The following LIMCH1 variants were observed in gnomAD, a reference collection of about 807,000 sequenced individuals.
The protein encoded by LIMCH1 is LIM and calponin homology domains-containing protein 1.
A neutral mutation model predicts 176.5 loss-of-function variants in LIMCH1; 113 were observed. That is an observed-to-expected ratio of 0.64 (90% confidence interval 0.55 to 0.75). The LOEUF (loss-of-function observed/expected upper bound fraction) is 0.75, where lower values mean the gene tolerates loss of function less well. Among genes scored for constraint, LIMCH1 ranks in the 30% least tolerant of loss-of-function variants. The pLI is 0.00. For synonymous variants in LIMCH1, 619 were observed against 645.9 expected, an observed-to-expected ratio of 0.96 and a Z score of 0.63; for missense variants, 1,674 against 1,814.9, an observed-to-expected ratio of 0.92 and a Z score of 1.41.
intron 27 of LIMCH1, 30 bp downstream of exon 27, chr4:41,684,548 A>G (rs755450011): frequency 2.5e-6 from 4 of 1,609,704 alleles, no homozygotes; most frequent in Non-Finnish European, 3.4e-6. Flanking sequence ...GTTTCATTCA[A>G]TGTTTAAATT....
chr4:41,639,117 G>T, intron 14 of LIMCH1, 150 bp downstream of exon 14: 1 of 621,620 alleles, frequency 1.6e-6, no homozygotes, highest in Admixed American at 3.3e-5. Flanking sequence ...GGAATGCAGA[G>T]CATACATTCT....
intron 2 of LIMCH1, among the ~76,000 whole-genome samples, chr4:41,502,433 G>T (rs1049345869): frequency 6.6e-6 from 1 of 152,022 alleles, no homozygotes; most frequent in African/African-American, 2.4e-5. Flanking sequence ...CCCAGTAATG[G>T]GATCGCTGGG....
intron 20 of LIMCH1, among the ~76,000 whole-genome samples, chr4:41,665,786 C>G (rs376179176): frequency 3.3e-5 from 5 of 152,300 alleles, no homozygotes; most frequent in African/African-American, 1.2e-4. Flanking sequence ...TTTCAGCAAT[C>G]AGCTAATCAG....
intron 1 of LIMCH1, among the ~76,000 whole-genome samples, chr4:41,414,611 T>G (rs1561292310): frequency 1.3e-5 from 2 of 152,184 alleles, no homozygotes; most frequent in Non-Finnish European, 2.9e-5. Flanking sequence ...GAGCCTGATG[T>G]AAAATTATGC....
chr4:41,517,612 C>T (rs1296674804), intron 2 of LIMCH1, among the ~76,000 whole-genome samples: 2 of 152,164 alleles, frequency 1.3e-5, no homozygotes, highest in Non-Finnish European at 2.9e-5. Context: ...CGTTCCAACA[C>T]TCTTGTTCAT....
At chr4:41,485,221 G>A (rs1426395470) in intron 1 of LIMCH1, among the ~76,000 whole-genome samples, 4 of 152,088 alleles carry the variant, frequency 2.6e-5, no homozygotes, top group Non-Finnish European at 2.9e-5. Context: ...TTACCTTTTA[G>A]TCCTGTGGAA....
intron 2 of LIMCH1, among the ~76,000 whole-genome samples, chr4:41,497,083 T>G (rs2072293563): frequency 6.6e-6 from 1 of 152,230 alleles, no homozygotes; most frequent in Non-Finnish European, 1.5e-5. Context: ...CTTTAAAAAA[T>G]TATTTGATGC....
intron 18 of LIMCH1, among the ~76,000 whole-genome samples, chr4:41,660,206 A>T (rs968456778): frequency 6.6e-6 from 1 of 152,036 alleles, no homozygotes; most frequent in African/African-American, 2.4e-5. Context: ...TCAACATCTT[A>T]TTTTTTCATG....
rs897436306 is a variant in LIMCH1 at position 41,360,940 on chromosome 4, G to T, written c.96+4G>T. On this transcript the variant is annotated splice_donor_region_variant and intron_variant, in intron 1 of 26. Transcript: ENST00000313860. The surrounding 1 kb of genome is among the most constrained non-coding windows in gnomAD (Gnocchi z 4.5). ...CGAGGCGCAGAAGTGGATTGAGGTA[G>T]GTGCGGGTGGCTGGCGGGCGGCCTT... is the stretch of plus-strand genomic sequence containing the variant. The T allele has an allele frequency of 5.1e-6, 8 of 1,569,378 alleles. No homozygotes were observed. The African/African-American group carries it at 1.1e-4, about 21-fold the overall frequency.
chr4:41,449,535 T>C (rs571442793), intron 1 of LIMCH1, among the ~76,000 whole-genome samples: 1 of 152,326 alleles, frequency 6.6e-6, no homozygotes, highest in South Asian at 2.1e-4. Context: ...TCTCTTACTT[T>C]CTTATTACAG....
In LIMCH1 at chr4:41,660,158, A is replaced by G. The variant is rs552993260; in HGVS notation, c.3037-1262A>G. 2.6e-5 allele frequency among the ~76,000 whole-genome samples: 4 copies of G among 152,252 alleles called. No homozygotes were observed. In the South Asian group the frequency reaches 8.3e-4, roughly 32 times the overall value. On this transcript the variant is annotated intron_variant, in intron 18 of 31. Coordinates refer to ENST00000503057, the MANE Select transcript of LIMCH1 (RefSeq NM_001330672.2). Reference sequence around the variant, plus strand: ...ACTATGTATACAGTTTACATTTCCTATCATTAGTAAGTATTTTCACGTATC... The same window carrying G: ...ACTATGTATACAGTTTACATTTCCTGTCATTAGTAAGTATTTTCACGTATC...
chr4:41,686,699 A>G (rs1194484379), intron 28 of LIMCH1, among the ~76,000 whole-genome samples: 3 of 152,176 alleles, frequency 2.0e-5, no homozygotes, highest in Admixed American at 6.6e-5. Context: ...TCCCTACCTC[A>G]TAGGGTTTTG....
chr4:41,521,457 T>G (rs2076109198), intron 2 of LIMCH1, among the ~76,000 whole-genome samples: 1 of 152,200 alleles, frequency 6.6e-6, no homozygotes, highest in Non-Finnish European at 1.5e-5. Context: ...AAGTATTTAC[T>G]GAAAATATTT....
At chr4:41,597,906 A>C (rs577653640) in intron 1 of LIMCH1, among the ~76,000 whole-genome samples, 51 of 152,164 alleles carry the variant, frequency 3.4e-4, no homozygotes, top group Non-Finnish European at 5.6e-4. Flanking sequence ...GGTAACTGGA[A>C]ATATTCTCTG....
chr4:41,361,442 G>GCC (rs2052026717), intron 1 of LIMCH1, among the ~76,000 whole-genome samples: 3 of 152,212 alleles, frequency 2.0e-5, no homozygotes, highest in Non-Finnish European at 4.4e-5. Flanking sequence ...ACCCACCGGA[G>GCC]CCTCTTGCTG....
chr4:41,369,674 A>AT (rs1365597235), intron 1 of LIMCH1, among the ~76,000 whole-genome samples: 1 of 151,442 alleles, frequency 6.6e-6, no homozygotes, highest in African/African-American at 2.4e-5. Context: ...ACTATCACGA[A>AT]TTTTTTTTGT....
chr4:41,672,390 G>C (rs2095075034), intron 22 of LIMCH1, among the ~76,000 whole-genome samples: 1 of 151,978 alleles, frequency 6.6e-6, no homozygotes, highest in South Asian at 2.1e-4. Flanking sequence ...AAAAAGAATA[G>C]AATAGAATAG....
Position 41,644,315 on chromosome 4 carries a change from G to GC in LIMCH1, c.2127-185_2127-184insC, listed in dbSNP as rs557729239. Among the ~76,000 whole-genome samples, 486 of 152,216 alleles carry GC rather than the reference G, an allele frequency of 3.2e-3. 3 individuals are homozygous for GC. Among genetic ancestry groups the GC allele is most frequent in the African/African-American group, 0.011 (470 of 41,542 alleles). ...CGTTTGCGGCAAAAGGAGGCGGTGGGGTGCCAGCACGCCCACCGCCCGCCC... is the reference window on the plus strand; with the variant it reads ...CGTTTGCGGCAAAAGGAGGCGGTGGGCGTGCCAGCACGCCCACCGCCCGCCC... On this transcript the variant is annotated intron_variant, in intron 14 of 31. Transcript: ENST00000503057.
chr4:41,464,785 T>C (rs1027140445), intron 1 of LIMCH1, among the ~76,000 whole-genome samples: 2 of 152,248 alleles, frequency 1.3e-5, no homozygotes, highest in Non-Finnish European at 2.9e-5. Flanking sequence ...TGTGTGATTA[T>C]TTAACGACTG....
Sources: gnomAD v4.1 joint callset for allele counts (sites outside exome capture counted in the v4.1 genomes callset) on GRCh38, gnomAD v4.1.1 for gene constraint, Gnocchi (gnomAD v3.1) non-coding constraint, MANE v1.5 for transcripts, NCBI Gene and HGNC (gene_info 2026-07-23, HGNC 2026-07-21) for gene names.